ISCA1: variants seen among roughly 807,000 people sequenced by gnomAD.
ISCA1 encodes the protein iron-sulfur cluster assembly 1 homolog, mitochondrial.
A neutral mutation model predicts 14.7 loss-of-function variants in ISCA1; 9 were observed. The ratio of observed to expected loss-of-function variants is 0.61; its 90% CI spans 0.37 to 1.07. The LOEUF is 1.07. Ranked by LOEUF, ISCA1 falls within the 50% of genes least tolerant of loss-of-function variation. The probability of loss-of-function intolerance (pLI) is 0.01; values close to 1 mark genes in which losing one functional copy is unlikely to be tolerated. For missense variants in ISCA1, 102 were observed against 150.1 expected (o/e 0.68, Z 1.67); for synonymous variants, 38 against 54.3 (o/e 0.70, Z 1.32).
At chr9:86,280,997 T>G (rs1587822325) in intron 1 of ISCA1, among the ~76,000 whole-genome samples, 1 of 152,010 alleles carries the variant, frequency 6.6e-6, no homozygotes, top group East Asian at 1.9e-4. Flanking sequence ...TTAATAGGGT[T>G]GCTAAAAAGC....
At chr9:86,282,183 G>T in intron 1 of ISCA1, 195 bp downstream of exon 1, 1 of 626,380 alleles carries the variant, frequency 1.6e-6, no homozygotes, top group Non-Finnish European at 2.7e-6. Flanking sequence ...GAGCAGCCCC[G>T]CCCGGGACTT....
chr9:86,272,774 C>G (rs886928165), intron 2 of ISCA1, among the ~76,000 whole-genome samples: 1 of 152,138 alleles, frequency 6.6e-6, no homozygotes, highest in African/African-American at 2.4e-5. Flanking sequence ...TGTATATAAC[C>G]TATATACATC....
intron 1 of ISCA1, among the ~76,000 whole-genome samples, chr9:86,275,530 G>A (rs914083479): frequency 1.3e-5 from 2 of 152,160 alleles, no homozygotes; most frequent in African/African-American, 4.8e-5. Context: ...CAGTTTAGAA[G>A]GGCATGAAAG....
At chr9:86,282,184 C>T (rs913418362) in intron 1 of ISCA1, 194 bp downstream of exon 1, 15 of 630,904 alleles carry the variant, frequency 2.4e-5, no homozygotes, top group Admixed American at 9.6e-5. Context: ...AGCAGCCCCG[C>T]CCGGGACTTG....
intron 1 of ISCA1, chr9:86,282,067 A>C: frequency 2.6e-6 from 1 of 382,660 alleles, no homozygotes. Flanking sequence ...GGCCGGCAGG[A>C]GTGTGGAGGC....
rs1259240728 is a variant in ISCA1, at chr9:86,264,900, G to C, written c.*1143C>G. On this transcript the variant is annotated 3_prime_UTR_variant, in exon 4 of 4. Coordinates refer to ENST00000375991, the MANE Select transcript of ISCA1 (RefSeq NM_030940.4). ...TAAATATGTTAGGCTAAAATACTAA[G>C]AACTTTAGCAACTGGACCGAGGAAC... 1 of 152,132 alleles carries C rather than the reference G, an allele frequency of 6.6e-6. No individual in the cohort carries two copies. The highest frequency in any genetic ancestry group is 1.5e-5 in the Non-Finnish European group (1 of 68,022). The allele number at this position is 152,132 out of a possible 1,614,324, so 9.4% of individuals were successfully genotyped here. A position where few individuals can be genotyped will look rare whatever the true frequency, so the allele number is the denominator to read the frequency against.
rs1268388068 is a variant in ISCA1, at chr9:86,265,029, T to A, written c.*1014A>T. 1.3e-5 allele frequency: 2 copies of A among 152,212 alleles called. No homozygotes were observed. Among genetic ancestry groups the A allele is most frequent in the African/African-American group, 2.4e-5 (1 of 41,454 alleles). 9.4% of individuals were successfully genotyped at this position (152,212 alleles called of 1,614,324 possible). On this transcript the variant is annotated 3_prime_UTR_variant, in exon 4 of 4. Coordinates refer to ENST00000375991, the MANE Select transcript of ISCA1 (RefSeq NM_030940.4). ...ATAATTCTGGGTTGCTACAATGTCA[T>A]CTCTGCTACAAACCATTGTTTCAAA...
chr9:86,266,041 T>C lies in ISCA1; in HGVS notation c.*2A>G, dbSNP rs2131219264. On this transcript the variant is annotated 3_prime_UTR_variant, in exon 4 of 4. Coordinates refer to ENST00000375991, the MANE Select transcript of ISCA1 (RefSeq NM_030940.4). ...ACCTACGGCCAGAAGAGTCCTGAGA[T>C]TTCAAATATTAAAGCTTTCTCCACA... 6.2e-7 allele frequency: 1 copy of C among 1,611,776 alleles called. No homozygotes were observed. Among genetic ancestry groups the C allele is most frequent in the East Asian group, 2.2e-5 (1 of 44,878 alleles).
At chr9:86,282,332 G>A (rs749410447) in intron 1 of ISCA1, 46 bp downstream of exon 1, 1 of 1,528,726 alleles carries the variant, frequency 6.5e-7, no homozygotes. Context: ...GCACGGGGCG[G>A]ACACGAGCAA....
At chr9:86,279,422 T>A (rs1825481920) in intron 1 of ISCA1, among the ~76,000 whole-genome samples, 1 of 152,254 alleles carries the variant, frequency 6.6e-6, no homozygotes, top group Non-Finnish European at 1.5e-5. Context: ...ATTCCACTTG[T>A]CAATTTCTAG....
At chr9:86,271,099 A>AATG (rs1825363511) in intron 3 of ISCA1, among the ~76,000 whole-genome samples, 1 of 151,986 alleles carries the variant, frequency 6.6e-6, no homozygotes, top group African/African-American at 2.4e-5. Flanking sequence ...TAATAATAAT[A>AATG]ATAATAATAA....
At chr9:86,268,118 A>G (rs1825312091) in intron 3 of ISCA1, among the ~76,000 whole-genome samples, 1 of 152,094 alleles carries the variant, frequency 6.6e-6, no homozygotes, top group South Asian at 2.1e-4. Context: ...TTATAAAAAA[A>G]AAAGTTAACC....
intron 1 of ISCA1, among the ~76,000 whole-genome samples, chr9:86,277,299 AAT>A (rs1825450865): frequency 3.9e-5 from 6 of 152,188 alleles, no homozygotes; most frequent in Admixed American, 3.3e-4. Flanking sequence ...CAGGAACTAA[AAT>A]ATGTCTTAAT....
At chr9:86,267,740 G>A (rs372512324) in intron 3 of ISCA1, 14 of 249,538 alleles carry the variant, frequency 5.6e-5, no homozygotes, top group African/African-American at 2.6e-4. Flanking sequence ...GGCTGAGGTG[G>A]GAGGATCGCT....
chr9:86,280,251 C>T (rs1051940630), intron 1 of ISCA1, among the ~76,000 whole-genome samples: 2 of 152,034 alleles, frequency 1.3e-5, no homozygotes, highest in African/African-American at 4.8e-5. Context: ...TAAATGTCTG[C>T]TGAATGACTA....
chr9:86,266,280 T>A, intron 3 of ISCA1, 89 bp from the exon 4 acceptor site: 1 of 1,497,058 alleles, frequency 6.7e-7, no homozygotes, highest in Non-Finnish European at 8.9e-7. Flanking sequence ...AAATAGTGAC[T>A]ATCAATGAAA....
intron 3 of ISCA1, chr9:86,267,450 C>T: frequency 7.3e-6 from 7 of 958,966 alleles, no homozygotes; most frequent in Non-Finnish European, 8.7e-6. Flanking sequence ...ATCTAGGCCT[C>T]ATTCTCCCAT....
chr9:86,280,836 G>A (rs1358416878), intron 1 of ISCA1, among the ~76,000 whole-genome samples: 1 of 152,078 alleles, frequency 6.6e-6, no homozygotes, highest in African/African-American at 2.4e-5. Context: ...CCTGAGGTGG[G>A]AGGATCGCTT....
intron 2 of ISCA1, 139 bp from the exon 3 acceptor site, chr9:86,272,251 C>T: frequency 4.6e-6 from 3 of 650,448 alleles, no homozygotes; most frequent in Non-Finnish European, 8.3e-6. Flanking sequence ...ACTATGTAGC[C>T]CAGACTGGTC....
Sources: gnomAD v4.1 joint callset for allele counts (sites outside exome capture counted in the v4.1 genomes callset) on GRCh38, gnomAD v4.1.1 for gene constraint, MANE v1.5 for transcripts, NCBI Gene and HGNC (gene_info 2026-07-23, HGNC 2026-07-21) for gene names.